The following RBM48 variants were observed in gnomAD, a reference collection of about 807,000 sequenced individuals.
RBM48 encodes the protein RNA binding motif protein 48.
In RBM48, 32 loss-of-function variants were observed where a neutral mutation model predicts 34.8. That is an observed-to-expected ratio of 0.92 (90% CI 0.69 to 1.23). The LOEUF (loss-of-function observed/expected upper bound fraction) is 1.23. RBM48 is among the 50% of genes most tolerant of loss of function. RBM48 has a pLI of 0.00. For synonymous variants in RBM48, 151 were observed against 156.2 expected, an observed-to-expected ratio of 0.97 and a Z score of 0.25; for missense variants, 441 against 447.2, an observed-to-expected ratio of 0.99 and a Z score of 0.12.
chr7:92,538,203 T>A lies in RBM48; in HGVS notation c.*1266T>A, dbSNP rs1313869723. On this transcript the variant is annotated 3_prime_UTR_variant, in exon 5 of 5. Coordinates refer to ENST00000265732, the MANE Select transcript of RBM48 (RefSeq NM_032120.4). ...TCGGCCAGGAGCGTCGGCAGACTTG[T>A]GTCTCAAGAACCGTGCTCCCTGAAG... Among the ~76,000 whole-genome samples, 1 of 152,146 alleles carries A rather than the reference T, an allele frequency of 6.6e-6. No individual in the cohort carries two copies. Among genetic ancestry groups the A allele is most frequent in the East Asian group, 1.9e-4 (1 of 5,204 alleles).
intron 4 of RBM48, chr7:92,535,802 A>G: frequency 1.0e-6 from 1 of 980,192 alleles, no homozygotes. Context: ...ATTTAATAAT[A>G]ATTAAAATCC....
chr7:92,529,434 C>G, intron 1 of RBM48, 42 bp from the exon 2 acceptor site: 1 of 1,253,526 alleles, frequency 8.0e-7, no homozygotes, highest in Non-Finnish European at 1.1e-6. Context: ...TCGTCCTAGG[C>G]TTATTTGCGA....
At chr7:92,534,238 G>A in intron 3 of RBM48, 164 bp from the exon 4 acceptor site, 1 of 1,052,750 alleles carries the variant, frequency 9.5e-7, no homozygotes, top group Non-Finnish European at 1.4e-6. Context: ...TCCGTTTTAG[G>A]TTTTAAACCA....
In RBM48 at chr7:92,539,329, G is replaced by GAGAC. The variant is rs1793803340; in HGVS notation, c.*2394_*2397dup. ...CGGGGTAGAGGGAATAAACTACAGG[G>GAGAC]AGACAAATAAATTAAAGAGATGAGT... On this transcript the variant is annotated 3_prime_UTR_variant, in exon 5 of 5. Transcript: ENST00000265732. 6.6e-6 allele frequency among the ~76,000 whole-genome samples: 1 copy of GAGAC among 152,238 alleles called. No individual in the cohort carries two copies. Among genetic ancestry groups the GAGAC allele is most frequent in the African/African-American group, 2.4e-5 (1 of 41,452 alleles).
intron 4 of RBM48, 113 bp from the exon 5 acceptor site, chr7:92,536,738 G>A (rs1793721579): frequency 6.5e-6 from 9 of 1,374,718 alleles, no homozygotes; most frequent in South Asian, 3.9e-5. Flanking sequence ...ACTCTGCCTC[G>A]AAAGTGACAT....
Position 92,528,827 on chromosome 7 carries a change from G to C in RBM48, c.14G>C (p.Gly5Ala), listed in dbSNP as rs1244877727. 6.2e-7 allele frequency: 1 copy of C among 1,614,060 alleles called. No individual in the cohort carries two copies. The highest frequency in any genetic ancestry group is 8.5e-7 in the Non-Finnish European group (1 of 1,179,936). Residue 5 changes from glycine to alanine, a missense_variant, in exon 1 of 5, where the codon GGC (glycine) becomes GCC (alanine). By Grantham distance (60) the Gly-to-Ala change is moderately conservative. Transcript: ENST00000265732. ...AAAGTAGGCAAGATGGCGTCGAGCG[G>C]CGGGGAGCTAGGGAGTTTATTTGAT... Reference protein sequence around the residue: MASSGGELGSLFDHH... With the variant: MASSAGELGSLFDHH...
intron 4 of RBM48, 102 bp from the exon 5 acceptor site, chr7:92,536,749 C>G: frequency 7.2e-7 from 1 of 1,392,392 alleles, no homozygotes; most frequent in Non-Finnish European, 9.3e-7. Context: ...AAAGTGACAT[C>G]AAGGATTGAA....
rs1793831943 is a variant in RBM48 at position 92,540,348 on chromosome 7, T to C, written c.*3411T>C. 2 of 152,276 alleles carry C rather than the reference T, an allele frequency of 1.3e-5. No individual in the cohort carries two copies. Among genetic ancestry groups the C allele is most frequent in the Admixed American group, 1.3e-4 (2 of 15,294 alleles). 9.4% of individuals were successfully genotyped at this position (152,276 alleles called of 1,614,324 possible). On this transcript the variant is annotated 3_prime_UTR_variant, in exon 5 of 5. Transcript: ENST00000265732. ...ACTGTTTTTCAAAGTCTGCAAGCGA[T>C]AGCTTGCCATCATTGTCATAATCTT...
chr7:92,535,735 G>T, intron 4 of RBM48: 5 of 982,244 alleles, frequency 5.1e-6, no homozygotes, highest in Admixed American at 6.2e-5. Flanking sequence ...GGAGGCTAAG[G>T]TAGTTTAATT....
At position 92,537,860 on chromosome 7, in the gene RBM48, G is replaced by C. The variant is rs1336238830; in HGVS notation, c.*923G>C. On this transcript the variant is annotated 3_prime_UTR_variant, in exon 5 of 5. Transcript: ENST00000265732. Reference sequence around the variant, plus strand: ...CTTTTTTTATTTTTAGTAGAGACAGGGTCTCACTGTGTTGCCCAGGCAGGT... The same window carrying C: ...CTTTTTTTATTTTTAGTAGAGACAGCGTCTCACTGTGTTGCCCAGGCAGGT... 2.0e-5 allele frequency: 3 copies of C among 151,860 alleles called. No individual in the cohort carries two copies. Among genetic ancestry groups the C allele is most frequent in the African/African-American group, 7.3e-5 (3 of 41,290 alleles). 9.4% of individuals were successfully genotyped at this position (151,860 alleles called of 1,614,324 possible).
At chr7:92,535,258 G>A in intron 4 of RBM48, 3 of 1,285,342 alleles carry the variant, frequency 2.3e-6, no homozygotes, top group Admixed American at 3.8e-5. Context: ...TGGAGCCCAG[G>A]CCTGCCATTT....
chr7:92,535,299 T>A (rs1793683528), intron 4 of RBM48: 2 of 1,209,360 alleles, frequency 1.7e-6, no homozygotes, highest in African/African-American at 3.1e-5. Context: ...AGTTCTAATA[T>A]GAGCCAAAGT....
In RBM48 at chr7:92,534,500, G is replaced by C; in HGVS notation, c.547G>C (p.Ala183Pro). ...HSEMSGFCKA[A>P]LNTSAGNSNP... Reference sequence around the variant, plus strand: ...AGAGATGTCTGGATTTTGTAAAGCTGCTTTGAACACTTCTGCAGGGAACTC... The same window carrying C: ...AGAGATGTCTGGATTTTGTAAAGCTCCTTTGAACACTTCTGCAGGGAACTC... Residue 183 changes from alanine to proline, a missense_variant, in exon 4 of 5, where the codon GCT (alanine) becomes CCT (proline). Coordinates refer to ENST00000265732, the MANE Select transcript of RBM48 (RefSeq NM_032120.4). 1 of 1,614,128 alleles carries C rather than the reference G, an allele frequency of 6.2e-7. No homozygotes were observed. The highest frequency in any genetic ancestry group is 1.7e-4 in the Middle Eastern group (1 of 6,060).
In RBM48 at chr7:92,534,877, G is replaced by A; in HGVS notation, c.924G>A (p.Met308Ile). The change falls in exon 4 of 5, where the codon ATG (methionine) becomes ATA (isoleucine). Residue 308 changes from methionine to isoleucine, a missense_variant. Met to Ile is a conservative substitution (Grantham distance 10). Transcript: ENST00000265732. ...CAAACCCAACTGGTAATGAGATTAT[G>A]ATTGGACCTCTGTTACCAGACATCT... Reference protein sequence around the residue: ...LQTNPTGNEIMIGPLLPDISK... With the variant: ...LQTNPTGNEIIIGPLLPDISK... 6.2e-7 allele frequency: 1 copy of A among 1,614,156 alleles called. No homozygotes were observed. The highest frequency in any genetic ancestry group is 8.5e-7 in the Non-Finnish European group (1 of 1,180,012).
intron 3 of RBM48, among the ~76,000 whole-genome samples, chr7:92,533,882 C>T (rs770097189): frequency 1.4e-4 from 21 of 149,060 alleles, no homozygotes; most frequent in Admixed American, 1.1e-3. Context: ...CCTAGAAGTG[C>T]GACAAGCATA....
chr7:92,535,930 T>C (rs1437428937), intron 4 of RBM48: 2 of 555,118 alleles, frequency 3.6e-6, no homozygotes, highest in Admixed American at 1.3e-4. Flanking sequence ...AGCCCAGGAG[T>C]CTGAGACCAG....
At chr7:92,536,210 A>G in intron 4 of RBM48, 2 of 985,070 alleles carry the variant, frequency 2.0e-6, no homozygotes, top group Non-Finnish European at 2.4e-6. Flanking sequence ...AGACATAGAT[A>G]CATACCTGTC....
rs1403696366 is a variant in RBM48, at chr7:92,532,445, G to C, written c.344G>C (p.Gly115Ala). The change falls in exon 3 of 5, where the codon GGA (glycine) becomes GCA (alanine). Residue 115 changes from glycine to alanine, a missense_variant. Coordinates refer to ENST00000265732, the MANE Select transcript of RBM48 (RefSeq NM_032120.4). The stretch of plus-strand genomic sequence containing the variant: ...ATGGATGAACAGAGTTTCTTCGGTG[G>C]ATTGCTTCATGTGTGCTATGCTCCA... ...RKMDEQSFFGGLLHVCYAPEF... is the reference protein window; with the variant it reads ...RKMDEQSFFGALLHVCYAPEF... 1 of 1,612,142 alleles carries C rather than the reference G, an allele frequency of 6.2e-7. No individual in the cohort carries two copies. Among genetic ancestry groups the C allele is most frequent in the East Asian group, 2.2e-5 (1 of 44,842 alleles).
chr7:92,536,283 T>C, intron 4 of RBM48: 1 of 980,974 alleles, frequency 1.0e-6, no homozygotes. Flanking sequence ...GGTCCAGAAA[T>C]AGAACAACAA....
Sources: allele counts gnomAD v4.1 joint callset (sites outside exome capture counted in the v4.1 genomes callset), GRCh38; gene constraint gnomAD v4.1.1; transcripts MANE v1.5; gene names NCBI Gene and HGNC (gene_info 2026-07-23, HGNC 2026-07-21).